ARHGEF3: variants seen among roughly 807,000 people sequenced by gnomAD.
ARHGEF3 encodes Rho guanine nucleotide exchange factor 3, also known as 59.8 kDA protein.
ARHGEF3 carries 28 observed loss-of-function variants against 63.2 expected under a neutral mutation model. That is an observed-to-expected ratio of 0.44 (90% CI 0.33 to 0.61). ARHGEF3 has a LOEUF of 0.61. Ranked by LOEUF, ARHGEF3 falls within the 20% of genes least tolerant of loss-of-function variation. The pLI is 0.03. For missense variants in ARHGEF3, 533 were observed against 659.3 expected, an observed-to-expected ratio of 0.81 and a Z score of 2.10; for synonymous variants, 266 against 254.2, an observed-to-expected ratio of 1.05 and a Z score of -0.44.
At chr3:56,920,242 A>G (rs748993053) in intron 3 of ARHGEF3, among the ~76,000 whole-genome samples, 25 of 152,188 alleles carry the variant, frequency 1.6e-4, no homozygotes, top group Non-Finnish European at 2.6e-4. Flanking sequence ...GGTGCCTACG[A>G]TGCAAAGATG....
intron 7 of ARHGEF3, among the ~76,000 whole-genome samples, chr3:56,744,986 T>C (rs2034287433): frequency 6.6e-6 from 1 of 152,138 alleles, no homozygotes; most frequent in Admixed American, 6.6e-5. Flanking sequence ...TTACAGCGTG[T>C]TTCATGTAAG....
At chr3:56,995,666 A>AGAGAGAGAGAGAGAGAGAGAGAGAGG (rs1560116629) in intron 2 of ARHGEF3, among the ~76,000 whole-genome samples, 7 of 127,114 alleles carry the variant, frequency 5.5e-5, no homozygotes. Flanking sequence ...AGAGAGAGAG[A>AGAGAGAGAGAGAGAGAGAGAGAGAGG]GAGAGAATTT....
chr3:56,826,099 A>C (rs1206215574), intron 4 of ARHGEF3, among the ~76,000 whole-genome samples: 4 of 152,234 alleles, frequency 2.6e-5, no homozygotes, highest in Non-Finnish European at 5.9e-5. Flanking sequence ...GTTTGTGGTC[A>C]TCTTTCTACC....
At position 56,961,970 on chromosome 3, in the gene ARHGEF3, A is replaced by G. The variant is rs984307542; in HGVS notation, c.63-3081T>C. On this transcript the variant is annotated intron_variant, in intron 2 of 12. Coordinates refer to the ARHGEF3 transcript ENST00000338458. Reference sequence around the variant, plus strand: ...TGAGGTAGGAAGATTGCTTAAGCCCAGAAGTTTGAGGTTGCAACGAGCTAT... The same window carrying G: ...TGAGGTAGGAAGATTGCTTAAGCCCGGAAGTTTGAGGTTGCAACGAGCTAT... 3.3e-5 allele frequency among the ~76,000 whole-genome samples: 5 copies of G among 152,194 alleles called. No homozygotes were observed. The East Asian group carries it at 5.8e-4, about 18-fold the overall frequency.
intron 2 of ARHGEF3, among the ~76,000 whole-genome samples, chr3:56,978,760 C>A (rs1001485516): frequency 6.6e-6 from 1 of 152,120 alleles, no homozygotes; most frequent in Non-Finnish European, 1.5e-5. Flanking sequence ...ACAAAATAAC[C>A]ACAAACATGG....
At chr3:57,017,612 GC>G (rs1359864811) in intron 2 of ARHGEF3, among the ~76,000 whole-genome samples, 8 of 152,070 alleles carry the variant, frequency 5.3e-5, no homozygotes, top group African/African-American at 1.9e-4. Context: ...ACCCTTCCCT[GC>G]CCCCACCAGC....
intron 1 of ARHGEF3, among the ~76,000 whole-genome samples, chr3:57,078,243 C>G (rs1408876738): frequency 6.6e-6 from 1 of 152,182 alleles, no homozygotes; most frequent in African/African-American, 2.4e-5. Context: ...TCTCCACACC[C>G]CAGGGAAGAA....
chr3:56,818,944 C>G (rs576815185), intron 4 of ARHGEF3, among the ~76,000 whole-genome samples: 1 of 152,272 alleles, frequency 6.6e-6, no homozygotes, highest in Admixed American at 6.5e-5. Flanking sequence ...ATTCAAACAG[C>G]AGAAGTCCTT....
In ARHGEF3 at chr3:56,824,937, A is replaced by G. The variant is rs538974610; in HGVS notation, c.193-51121T>C. Among the ~76,000 whole-genome samples, 10 of 152,360 alleles carry G rather than the reference A, an allele frequency of 6.6e-5. No homozygotes were observed. The South Asian group carries it at 2.1e-3, about 32-fold the overall frequency. ...GTTAAACGATGTATACCTGTAAAAA[A>G]GAGTGAAGAAACTCTGTGAGGTGAC... On this transcript the variant is annotated intron_variant, in intron 4 of 12. Transcript: ENST00000338458.
chr3:57,071,608 C>G lies in ARHGEF3; in HGVS notation c.-28+7618G>C, dbSNP rs371611136. On this transcript the variant is annotated intron_variant, in intron 1 of 12. Coordinates refer to the ARHGEF3 transcript ENST00000338458. ...CCGGAAGGTGGAGGTTGTAGTGAGCCGAGATCATGCCACTATACTCCAGCC... is the reference window on the plus strand; with the variant it reads ...CCGGAAGGTGGAGGTTGTAGTGAGCGGAGATCATGCCACTATACTCCAGCC... 6.7e-5 allele frequency among the ~76,000 whole-genome samples: 10 copies of G among 149,686 alleles called. 1 individual carries two copies. The South Asian group carries it at 2.1e-3, about 32-fold the overall frequency.
chr3:56,834,366 CA>C lies in ARHGEF3; in HGVS notation c.192+47925del, dbSNP rs377301993. Among the ~76,000 whole-genome samples the C allele has an allele frequency of 5.7e-3, 864 of 152,220 alleles. 7 individuals carry two copies. The highest frequency in any genetic ancestry group is 0.02 in the African/African-American group (837 of 41,530). On this transcript the variant is annotated intron_variant, in intron 4 of 12. Coordinates refer to the ARHGEF3 transcript ENST00000338458. Reference sequence around the variant, plus strand: ...TATCATTATTGTAAAAGATGAGGTTCATAGTAAGAAAAACTAGAAGCATACT... The same window carrying C: ...TATCATTATTGTAAAAGATGAGGTTCTAGTAAGAAAAACTAGAAGCATACT...
chr3:56,954,102 A>G (rs1009201102), intron 3 of ARHGEF3, among the ~76,000 whole-genome samples: 2 of 152,214 alleles, frequency 1.3e-5, no homozygotes, highest in Non-Finnish European at 2.9e-5. Flanking sequence ...ACAAAAGTAA[A>G]GACCAGGCAC....
intron 1 of ARHGEF3, among the ~76,000 whole-genome samples, chr3:56,793,634 C>T (rs1008314453): frequency 6.6e-6 from 1 of 152,188 alleles, no homozygotes; most frequent in Non-Finnish European, 1.5e-5. Context: ...ATAGTTGCAA[C>T]ATCAGTTAGG....
intron 3 of ARHGEF3, among the ~76,000 whole-genome samples, chr3:56,949,650 A>G (rs1313407334): frequency 6.6e-6 from 1 of 152,098 alleles, no homozygotes; most frequent in Non-Finnish European, 1.5e-5. Flanking sequence ...CAAATGGAAG[A>G]ACATTCCATG....
intron 3 of ARHGEF3, among the ~76,000 whole-genome samples, chr3:56,915,203 C>T (rs1022056333): frequency 1.3e-5 from 2 of 152,030 alleles, no homozygotes; most frequent in Admixed American, 6.5e-5. Flanking sequence ...CCTCTAACCC[C>T]AGCACTTTGG....
intron 4 of ARHGEF3, among the ~76,000 whole-genome samples, chr3:56,873,857 G>T (rs58471381): frequency 0.097 from 14,784 of 152,208 alleles, 988 homozygotes; most frequent in East Asian, 0.3. Context: ...CAACAAACAG[G>T]TGTTCTGGGG....
chr3:56,919,833 G>A (rs578235224), intron 3 of ARHGEF3, among the ~76,000 whole-genome samples: 2 of 152,310 alleles, frequency 1.3e-5, no homozygotes, highest in East Asian at 3.9e-4. Context: ...AAAAGGTGGT[G>A]TACGCCTACC....
At chr3:56,807,934 A>C (rs571320701) in intron 4 of ARHGEF3, among the ~76,000 whole-genome samples, 1 of 151,824 alleles carries the variant, frequency 6.6e-6, no homozygotes, top group African/African-American at 2.4e-5. Context: ...GACCAGCCTG[A>C]CCAACATGGT....
intron 2 of ARHGEF3, among the ~76,000 whole-genome samples, chr3:57,010,652 C>T (rs544757702): frequency 1.3e-5 from 2 of 152,152 alleles, no homozygotes; most frequent in African/African-American, 2.4e-5. Context: ...GACATGCCAA[C>T]TTTAGGTGTG....
Sources: gnomAD v4.1 joint callset for allele counts (sites outside exome capture counted in the v4.1 genomes callset) on GRCh38, gnomAD v4.1.1 for gene constraint, MANE v1.5 for transcripts, NCBI Gene and HGNC (gene_info 2026-07-23, HGNC 2026-07-21) for gene names.